SYTL3: variants seen among roughly 807,000 people sequenced by gnomAD.
The protein encoded by SYTL3 is synaptotagmin like 3.
Under a neutral mutation model 82.1 loss-of-function variants are expected in SYTL3, and 88 were observed. That is an observed-to-expected ratio of 1.07 (90% CI 0.90 to 1.28). The LOEUF is 1.28. Among genes scored for constraint, SYTL3 ranks in the 50% most tolerant of loss-of-function variants. The pLI is 0.00. For missense variants in SYTL3, 831 were observed against 757.6 expected (o/e 1.10, Z -1.14); for synonymous variants, 311 against 289.4 (o/e 1.07, Z -0.76).
At chr6:158,733,925 G>A (rs936600719) in intron 11 of SYTL3, among the ~76,000 whole-genome samples, 118 of 151,104 alleles carry the variant, frequency 7.8e-4, no homozygotes, top group African/African-American at 2.2e-3. Flanking sequence ...GTGAAACCCC[G>A]TCTCTACTAA....
At chr6:158,745,733 A>C in intron 12 of SYTL3, 75 bp downstream of exon 12, 1 of 1,185,596 alleles carries the variant, frequency 8.4e-7, no homozygotes, top group Non-Finnish European at 1.2e-6. Flanking sequence ...AAGTCTAAGA[A>C]TAACCAAGAC....
chr6:158,708,194 A>G, intron 7 of SYTL3, 128 bp from the exon 8 acceptor site: 1 of 858,084 alleles, frequency 1.2e-6, no homozygotes, highest in Non-Finnish European at 2.0e-6. Context: ...TTTTTCCAAA[A>G]AGTGAGGCAG....
At chr6:158,695,990 T>A (rs1315814031) in intron 6 of SYTL3, among the ~76,000 whole-genome samples, 2 of 152,226 alleles carry the variant, frequency 1.3e-5, no homozygotes, top group African/African-American at 2.4e-5. Flanking sequence ...CTGGGAACAT[T>A]GGTGTACAAA....
intron 12 of SYTL3, among the ~76,000 whole-genome samples, chr6:158,747,415 G>A (rs1322938975): frequency 6.6e-6 from 1 of 152,010 alleles, no homozygotes; most frequent in Non-Finnish European, 1.5e-5. Flanking sequence ...AGCTTGGAGT[G>A]CAGTGGTGCC....
chr6:158,715,082 G>C lies in SYTL3; in HGVS notation c.595+1204G>C, dbSNP rs79890401. 4.4e-3 allele frequency among the ~76,000 whole-genome samples: 665 copies of C among 152,244 alleles called. 10 individuals are homozygous for C. Among genetic ancestry groups the C allele is most frequent in the African/African-American group, 0.015 (641 of 41,550 alleles). ...ACCCCTGCTCTGTGCCCCTTGGCCT[G>C]GAACGTGTTTTCCAGCTGTCCCGGC... On this transcript the variant is annotated intron_variant, in intron 9 of 17. Transcript: ENST00000611299.
At chr6:158,710,657 A>AGTT (rs1358067436) in intron 8 of SYTL3, among the ~76,000 whole-genome samples, 1 of 152,210 alleles carries the variant, frequency 6.6e-6, no homozygotes, top group African/African-American at 2.4e-5. Flanking sequence ...ATACACAACT[A>AGTT]AACTAAATAA....
At position 158,726,052 on chromosome 6, in the gene SYTL3, T is replaced by G. The variant is rs1219675027; in HGVS notation, c.855+415T>G. Reference sequence around the variant, plus strand: ...GTGTGTCCAATCTCATGTGTTAAAATCTTACAGGATCAATGTAGTGAAACA... The same window carrying G: ...GTGTGTCCAATCTCATGTGTTAAAAGCTTACAGGATCAATGTAGTGAAACA... On this transcript the variant is annotated intron_variant, in intron 11 of 17. Transcript: ENST00000611299. 9 of 555,684 alleles carry G rather than the reference T, an allele frequency of 1.6e-5. No homozygotes were observed. The East Asian group carries it at 3.3e-4, about 20-fold the overall frequency. 34.4% of individuals were successfully genotyped at this position (555,684 alleles called of 1,614,324 possible).
intron 2 of SYTL3, among the ~76,000 whole-genome samples, chr6:158,660,260 G>A (rs547627465): frequency 1.4e-4 from 21 of 152,164 alleles, no homozygotes; most frequent in Non-Finnish European, 2.4e-4. Flanking sequence ...GCAATACTCC[G>A]TCTCAAAAAC....
chr6:158,764,414 TG>T, intron 17 of SYTL3, 80 bp from the exon 18 acceptor site: 2 of 1,080,866 alleles, frequency 1.9e-6, no homozygotes, highest in Non-Finnish European at 2.8e-6. Flanking sequence ...AACTTCTGGC[TG>T]GTCATCATTT....
intron 6 of SYTL3, among the ~76,000 whole-genome samples, chr6:158,694,790 G>A (rs1175230367): frequency 6.6e-6 from 1 of 152,124 alleles, no homozygotes; most frequent in Non-Finnish European, 1.5e-5. Flanking sequence ...TTCCAGGCCT[G>A]CTTCTTTGTC....
intron 9 of SYTL3, among the ~76,000 whole-genome samples, chr6:158,715,815 C>T (rs888227058): frequency 5.3e-5 from 8 of 150,148 alleles, no homozygotes; most frequent in Non-Finnish European, 4.4e-5. Context: ...GGACACTTAG[C>T]GTCCTGTAGG....
At chr6:158,701,564 G>A (rs912978219) in intron 6 of SYTL3, among the ~76,000 whole-genome samples, 5 of 151,446 alleles carry the variant, frequency 3.3e-5, no homozygotes, top group Admixed American at 6.6e-5. Flanking sequence ...GAGGAGGCGT[G>A]GGGAGAGGCA....
chr6:158,746,400 T>C (rs1282583509), intron 12 of SYTL3, among the ~76,000 whole-genome samples: 3 of 150,974 alleles, frequency 2.0e-5, no homozygotes, highest in Non-Finnish European at 4.4e-5. Context: ...AGATTTAAAA[T>C]GTTATTCTCA....
chr6:158,759,698 A>AT (rs1232621861), intron 14 of SYTL3, among the ~76,000 whole-genome samples: 4 of 151,778 alleles, frequency 2.6e-5, no homozygotes, highest in South Asian at 2.1e-4. Context: ...CACCTGGCTA[A>AT]TTTTTTTGTA....
intron 6 of SYTL3, among the ~76,000 whole-genome samples, chr6:158,700,732 T>TCAG (rs1402677745): frequency 2.0e-5 from 3 of 152,200 alleles, no homozygotes; most frequent in Admixed American, 6.5e-5. Flanking sequence ...TTCTCCTGCC[T>TCAG]CAGCCTCCTG....
At chr6:158,718,310 T>G in intron 10 of SYTL3, 99 bp downstream of exon 10, 1 of 1,265,110 alleles carries the variant, frequency 7.9e-7, no homozygotes, top group East Asian at 3.0e-5. Flanking sequence ...TTTCTTTGGT[T>G]TTATAGAAAA....
intron 4 of SYTL3, among the ~76,000 whole-genome samples, chr6:158,664,256 T>G (rs908527175): frequency 2.0e-5 from 3 of 152,178 alleles, no homozygotes; most frequent in Admixed American, 2.0e-4. Context: ...TTAAAAACTA[T>G]AATACAGTCT....
chr6:158,712,983 A>G (rs1323171274), intron 8 of SYTL3, among the ~76,000 whole-genome samples: 7 of 151,812 alleles, frequency 4.6e-5, no homozygotes, highest in Non-Finnish European at 8.8e-5. Flanking sequence ...GATGGTCTCG[A>G]TCTCCTGACC....
At chr6:158,666,317 G>A (rs929790092) in intron 5 of SYTL3, among the ~76,000 whole-genome samples, 1 of 152,198 alleles carries the variant, frequency 6.6e-6, no homozygotes, top group African/African-American at 2.4e-5. Context: ...AAATGGACAT[G>A]CTTCCCTTTA....
Sources: allele counts gnomAD v4.1 joint callset (sites outside exome capture counted in the v4.1 genomes callset), GRCh38; gene constraint gnomAD v4.1.1; transcripts MANE v1.5; gene names NCBI Gene and HGNC (gene_info 2026-07-23, HGNC 2026-07-21).